PKNOX2: variants seen among roughly 807,000 people sequenced by gnomAD.
The protein encoded by PKNOX2 is PBX/knotted 1 homeobox 2, also known as homeobox protein PKNOX2.
A neutral mutation model predicts 53.1 loss-of-function variants in PKNOX2; 14 were observed. That is an observed-to-expected ratio of 0.26 (90% CI 0.17 to 0.41). The LOEUF (loss-of-function observed/expected upper bound fraction) is 0.41. Among genes scored for constraint, PKNOX2 ranks in the 10% least tolerant of loss-of-function variants. The pLI is 1.00. For missense variants in PKNOX2, 496 were observed against 602.8 expected (o/e 0.82, Z 1.85); for synonymous variants, 257 against 242.8 (o/e 1.06, Z -0.54).
chr11:125,214,549 A>C (rs77634629), intron 1 of PKNOX2, among the ~76,000 whole-genome samples: 13,301 of 151,976 alleles, frequency 0.088, 1,303 homozygotes, highest in East Asian at 0.29. Flanking sequence ...CAAATCTTAT[A>C]CCCTTCTGAG....
chr11:125,263,543 C>A (rs188477100), intron 2 of PKNOX2, among the ~76,000 whole-genome samples: 203 of 152,350 alleles, frequency 1.3e-3, no homozygotes, highest in African/African-American at 4.7e-3. Context: ...AACCAGCCAA[C>A]GGGCCACTTT....
At chr11:125,215,704 A>G (rs985290764) in intron 1 of PKNOX2, among the ~76,000 whole-genome samples, 1 of 150,000 alleles carries the variant, frequency 6.7e-6, no homozygotes, top group Non-Finnish European at 1.5e-5. Flanking sequence ...GTGAGCCAAG[A>G]TCGTGCCATT....
At chr11:125,211,000 G>A (rs978589530) in intron 1 of PKNOX2, among the ~76,000 whole-genome samples, 7 of 152,158 alleles carry the variant, frequency 4.6e-5, no homozygotes, top group Admixed American at 1.3e-4. Context: ...AATCTTGAAC[G>A]AAGGTTGTGT....
chr11:125,311,605 G>T (rs531534911), intron 2 of PKNOX2, among the ~76,000 whole-genome samples: 4 of 152,320 alleles, frequency 2.6e-5, no homozygotes, highest in South Asian at 2.1e-4. Context: ...TGCAGAGAAG[G>T]CTATAAATTC....
At chr11:125,411,445 C>T (rs1955504588) in intron 9 of PKNOX2, 10 of 455,372 alleles carry the variant, frequency 2.2e-5, no homozygotes, top group South Asian at 1.9e-4. Flanking sequence ...CTCTGCATGG[C>T]CCTGTTTCCT....
At position 125,351,362 on chromosome 11, in the gene PKNOX2, C is replaced by T. The variant is rs773136787; in HGVS notation, c.57C>T (p.Val19=). The change falls in exon 4 of 13, where the codon GTC becomes GTT. Residue 19 remains valine (V), a synonymous_variant. Transcript: ENST00000298282. ...TGACGATGATGGCCACGCAGAATGT[C>T]CCGCCCCCACCCTACCAGGACAGCC... ...PALTMMATQN[V]PPPPYQDSPQ... 6.2e-7 allele frequency: 1 copy of T among 1,605,840 alleles called. No homozygotes were observed. Among genetic ancestry groups the T allele is most frequent in the South Asian group, 1.1e-5 (1 of 90,182 alleles).
chr11:125,318,165 G>A (rs987418713), intron 2 of PKNOX2, among the ~76,000 whole-genome samples: 1 of 152,026 alleles, frequency 6.6e-6, no homozygotes, highest in Admixed American at 6.6e-5. Flanking sequence ...GGAATACAAT[G>A]GTGCAATCTC....
chr11:125,222,759 A>G (rs553727236), intron 1 of PKNOX2, among the ~76,000 whole-genome samples: 11 of 128,406 alleles, frequency 8.6e-5, no homozygotes, highest in Non-Finnish European at 1.7e-4. Flanking sequence ...GTGCCTGTGT[A>G]TGTGTGTATG....
intron 5 of PKNOX2, among the ~76,000 whole-genome samples, chr11:125,375,900 T>C (rs578207402): frequency 6.6e-6 from 1 of 152,312 alleles, no homozygotes; most frequent in East Asian, 1.9e-4. Context: ...GTTATATAGG[T>C]AAACTCGTGT....
At chr11:125,359,435 C>T (rs984010639) in intron 4 of PKNOX2, among the ~76,000 whole-genome samples, 1 of 152,146 alleles carries the variant, frequency 6.6e-6, no homozygotes, top group African/African-American at 2.4e-5. Flanking sequence ...TGCACCTTGA[C>T]CGCTCTCTCT....
At chr11:125,414,205 C>T (rs1164464300) in intron 10 of PKNOX2, among the ~76,000 whole-genome samples, 1 of 152,256 alleles carries the variant, frequency 6.6e-6, no homozygotes, top group South Asian at 2.1e-4. Context: ...GAAGTAGTAG[C>T]TGAGCACAGA....
chr11:125,191,978 G>A (rs1405003351), intron 1 of PKNOX2, among the ~76,000 whole-genome samples: 3 of 152,302 alleles, frequency 2.0e-5, no homozygotes, highest in African/African-American at 7.2e-5. Context: ...ACAATGGAAA[G>A]TGGGTAATTG....
chr11:125,430,081 A>C lies in PKNOX2; in HGVS notation c.1132A>C (p.Asn378His). ...QHRPTQRFWP[N>H]SIAAGVLQQQ... ...CCGGCCCACCCAAAGATTCTGGCCC[A>C]ACTCCATCGCTGCGGGGGTGCTGCA... Residue 378 changes from asparagine to histidine, a missense_variant, in exon 12 of 13, where the codon AAC (asparagine) becomes CAC (histidine). Coordinates refer to ENST00000298282, the MANE Select transcript of PKNOX2 (RefSeq NM_001382323.2). 1 of 1,614,150 alleles carries C rather than the reference A, an allele frequency of 6.2e-7. No homozygotes were observed. The highest frequency in any genetic ancestry group is 8.5e-7 in the Non-Finnish European group (1 of 1,180,008).
intron 2 of PKNOX2, among the ~76,000 whole-genome samples, chr11:125,288,854 G>A (rs1266803242): frequency 1.3e-5 from 2 of 152,168 alleles, no homozygotes; most frequent in Admixed American, 6.5e-5. Flanking sequence ...AGTGAGATCC[G>A]CAGGTGCTTT....
rs1396251499 is a variant in PKNOX2 at position 125,397,854 on chromosome 11, C to A, written c.400-20C>A. ...AATGGGATGCAAACACCTGGGCTCA[C>A]CTCTCCTCCCTCTCCACAGATGGTG... On this transcript the variant is annotated intron_variant, in intron 6 of 12. Coordinates refer to ENST00000298282, the MANE Select transcript of PKNOX2 (RefSeq NM_001382323.2). The A allele has an allele frequency of 1.3e-6, 2 of 1,595,258 alleles. No individual in the cohort carries two copies. Among genetic ancestry groups the A allele is most frequent in the East Asian group, 2.2e-5 (1 of 44,726 alleles).
intron 3 of PKNOX2, among the ~76,000 whole-genome samples, chr11:125,333,341 T>A (rs1591531466): frequency 6.6e-6 from 1 of 151,780 alleles, no homozygotes; most frequent in East Asian, 1.9e-4. Context: ...GATGCTGGAG[T>A]CCAAACAAGC....
rs1952466591 is a variant in PKNOX2 at position 125,370,511 on chromosome 11, G to A, written c.227+2526G>A. Among the ~76,000 whole-genome samples the A allele has an allele frequency of 6.6e-6, 1 of 152,232 alleles. No individual in the cohort carries two copies. The highest frequency in any genetic ancestry group is 2.4e-5 in the African/African-American group (1 of 41,464). ...GGGCTAACCACCCGCAACCCTTGGT[G>A]TTTGCCCAAAGTATGTCTGCAGCTG... On this transcript the variant is annotated intron_variant, in intron 5 of 12. Transcript: ENST00000298282. This position sits in a 1 kb window ranked among gnomAD's most constrained non-coding sequence, Gnocchi z 4.1.
chr11:125,185,134 C>T (rs1212705739), intron 1 of PKNOX2, among the ~76,000 whole-genome samples: 1 of 152,234 alleles, frequency 6.6e-6, no homozygotes, highest in Non-Finnish European at 1.5e-5. Context: ...ACCATTGCCT[C>T]CTGGCATTTC....
At chr11:125,196,921 C>T (rs935515023) in intron 1 of PKNOX2, among the ~76,000 whole-genome samples, 5 of 152,112 alleles carry the variant, frequency 3.3e-5, no homozygotes, top group Admixed American at 1.3e-4. Context: ...GCCTGGTATG[C>T]GGGTATGAAG....
Sources: allele counts gnomAD v4.1 joint callset (sites outside exome capture counted in the v4.1 genomes callset), GRCh38; gene constraint gnomAD v4.1.1; non-coding constraint Gnocchi (gnomAD v3.1); transcripts MANE v1.5; gene names NCBI Gene and HGNC (gene_info 2026-07-23, HGNC 2026-07-21).